PRTFDC1: variants seen among roughly 807,000 people sequenced by gnomAD.
PRTFDC1 encodes phosphoribosyl transferase domain containing 1, also known as phosphoribosyltransferase domain-containing protein 1.
A neutral mutation model predicts 34.6 loss-of-function variants in PRTFDC1; 38 were observed. The ratio of observed to expected loss-of-function variants is 1.10; its 90% CI spans 0.85 to 1.44. PRTFDC1 has a LOEUF of 1.44. Among genes scored for constraint, PRTFDC1 ranks in the 40% most tolerant of loss-of-function variants. The pLI is 0.00. For missense variants in PRTFDC1, 270 were observed against 283.0 expected (o/e 0.95, Z 0.33); for synonymous variants, 93 against 98.1 (o/e 0.95, Z 0.31).
intron 3 of PRTFDC1, among the ~76,000 whole-genome samples, chr10:24,923,645 G>T (rs942329461): frequency 7.9e-5 from 12 of 152,102 alleles, no homozygotes; most frequent in African/African-American, 2.7e-4. Flanking sequence ...CCCATCTGTA[G>T]GTCACCAACA....
intron 4 of PRTFDC1, among the ~76,000 whole-genome samples, chr10:24,866,382 A>G (rs1054619871): frequency 2.0e-5 from 3 of 149,220 alleles, no homozygotes; most frequent in African/African-American, 2.5e-5. Flanking sequence ...AAAAAAAAAG[A>G]AAAAAAAACT....
At position 24,900,568 on chromosome 10, in the gene PRTFDC1, T is replaced by C. The variant is rs1195820279; in HGVS notation, c.340-28505A>G. ...AGAAGGAATGTGTGGAATAATTTTG[T>C]GAAAGGATAACTTGCTGAAAAATAT... On this transcript the variant is annotated intron_variant, in intron 3 of 8. Transcript: ENST00000320152. 5.3e-5 allele frequency among the ~76,000 whole-genome samples: 8 copies of C among 152,332 alleles called. No homozygotes were observed. The East Asian group carries it at 1.5e-3, about 29-fold the overall frequency.
chr10:24,886,895 T>C (rs895677028), intron 3 of PRTFDC1, among the ~76,000 whole-genome samples: 3 of 151,812 alleles, frequency 2.0e-5, no homozygotes, highest in Non-Finnish European at 4.4e-5. Flanking sequence ...CTAAATCTAG[T>C]GCGTATCCTG....
intron 3 of PRTFDC1, among the ~76,000 whole-genome samples, chr10:24,894,241 G>T (rs1848311854): frequency 6.6e-6 from 1 of 150,638 alleles, no homozygotes; most frequent in South Asian, 2.1e-4. Flanking sequence ...TGAGGCAGGA[G>T]ACTCGCTTGA....
chr10:24,894,788 G>A (rs1252231218), intron 3 of PRTFDC1, among the ~76,000 whole-genome samples: 1 of 152,212 alleles, frequency 6.6e-6, no homozygotes, highest in Non-Finnish European at 1.5e-5. Flanking sequence ...TTGACAACAT[G>A]GGTTCAAATC....
chr10:24,935,654 G>A (rs1387146097), intron 3 of PRTFDC1, among the ~76,000 whole-genome samples: 2 of 152,308 alleles, frequency 1.3e-5, no homozygotes, highest in South Asian at 2.1e-4. Flanking sequence ...CAAAGATTAG[G>A]TGACTAGTCA....
At chr10:24,920,239 A>G (rs983719676) in intron 3 of PRTFDC1, among the ~76,000 whole-genome samples, 2 of 152,112 alleles carry the variant, frequency 1.3e-5, no homozygotes, top group South Asian at 2.1e-4. Context: ...ATGCCCATCA[A>G]TGATAGACTG....
In PRTFDC1 at chr10:24,862,335, A is replaced by T. The variant is rs376804499; in HGVS notation, c.406-3926T>A. Among the ~76,000 whole-genome samples, 25 of 152,150 alleles carry T rather than the reference A, an allele frequency of 1.6e-4. 1 individual carries two copies. The highest frequency in any genetic ancestry group is 5.5e-4 in the African/African-American group (23 of 41,514). ...TGGATCTTCCCTTCTCTTTTAATTT[A>T]GAACAGTCTCTTTTGCAGTATAGGC... On this transcript the variant is annotated intron_variant, in intron 4 of 8. Coordinates refer to ENST00000320152, the MANE Select transcript of PRTFDC1 (RefSeq NM_020200.7).
chr10:24,872,970 C>T (rs923041469), intron 3 of PRTFDC1, among the ~76,000 whole-genome samples: 3 of 150,988 alleles, frequency 2.0e-5, no homozygotes, highest in African/African-American at 7.3e-5. Context: ...TACCACAGTG[C>T]CTGGCTAATT....
At chr10:24,876,209 C>T (rs965548558) in intron 3 of PRTFDC1, among the ~76,000 whole-genome samples, 16 of 151,352 alleles carry the variant, frequency 1.1e-4, no homozygotes, top group African/African-American at 2.9e-4. Context: ...GTGAGACCAA[C>T]GTTTCTACCA....
chr10:24,925,333 G>A (rs1454235549), intron 3 of PRTFDC1, among the ~76,000 whole-genome samples: 1 of 152,152 alleles, frequency 6.6e-6, no homozygotes, highest in Non-Finnish European at 1.5e-5. Flanking sequence ...GGTGTCGGGG[G>A]CTGGCGGAGG....
At chr10:24,893,899 G>A (rs780499768) in intron 3 of PRTFDC1, among the ~76,000 whole-genome samples, 83 of 152,166 alleles carry the variant, frequency 5.5e-4, no homozygotes, top group Non-Finnish European at 9.7e-4. Context: ...CAATGCTGGC[G>A]GTAGCAGTGC....
At chr10:24,918,800 C>A (rs1204841683) in intron 3 of PRTFDC1, among the ~76,000 whole-genome samples, 2 of 152,116 alleles carry the variant, frequency 1.3e-5, no homozygotes, top group East Asian at 3.8e-4. Context: ...ATCTTGAAAT[C>A]CAACCTCATC....
intron 3 of PRTFDC1, among the ~76,000 whole-genome samples, chr10:24,881,851 T>C (rs1848083911): frequency 6.6e-6 from 1 of 152,112 alleles, no homozygotes. Flanking sequence ...TGGTCTTGGC[T>C]GGGCATAGCT....
chr10:24,859,116 G>T (rs1027491052), intron 4 of PRTFDC1, among the ~76,000 whole-genome samples: 2 of 151,870 alleles, frequency 1.3e-5, no homozygotes, highest in African/African-American at 4.9e-5. Flanking sequence ...CTGGATCACG[G>T]GGGTGGGTCT....
chr10:24,872,687 G>T (rs1012740062), intron 3 of PRTFDC1, among the ~76,000 whole-genome samples: 1 of 143,816 alleles, frequency 7.0e-6, no homozygotes, highest in East Asian at 2.0e-4. Context: ...GTGTGTGTGT[G>T]TATATATATA....
At chr10:24,944,942 T>C (rs928139520) in intron 1 of PRTFDC1, among the ~76,000 whole-genome samples, 1 of 152,118 alleles carries the variant, frequency 6.6e-6, no homozygotes, top group Non-Finnish European at 1.5e-5. Context: ...ACTCTTCCTC[T>C]TCCCTCTGCT....
At chr10:24,873,180 T>C (rs1847906672) in intron 3 of PRTFDC1, among the ~76,000 whole-genome samples, 1 of 152,064 alleles carries the variant, frequency 6.6e-6, no homozygotes, top group South Asian at 2.1e-4. Context: ...TTTATGATCA[T>C]TTACTTTCAT....
intron 3 of PRTFDC1, among the ~76,000 whole-genome samples, chr10:24,935,022 G>T (rs1165896146): frequency 6.6e-6 from 1 of 152,154 alleles, no homozygotes; most frequent in Admixed American, 6.5e-5. Flanking sequence ...AAAAGAAAAC[G>T]TATCTGTGGT....
Sources: allele counts gnomAD v4.1 joint callset (sites outside exome capture counted in the v4.1 genomes callset), GRCh38; gene constraint gnomAD v4.1.1; transcripts MANE v1.5; gene names NCBI Gene and HGNC (gene_info 2026-07-23, HGNC 2026-07-21).